COL28A1: variants seen among roughly 807,000 people sequenced by gnomAD.
The protein encoded by COL28A1 is collagen alpha-1(XXVIII) chain.
In COL28A1, 161 loss-of-function variants were observed where a neutral mutation model predicts 150.2. The observed-to-expected ratio is 1.07, with a 90% CI of 0.94 to 1.22. COL28A1 has a LOEUF of 1.22. COL28A1 is among the 50% of genes most tolerant of loss of function. The probability of loss-of-function intolerance (pLI) is 0.00; values close to 1 mark genes in which losing one functional copy is unlikely to be tolerated. For missense variants in COL28A1, 1,617 were observed against 1,388.3 expected, an observed-to-expected ratio of 1.16 and a Z score of -2.62; for synonymous variants, 552 against 469.7, an observed-to-expected ratio of 1.18 and a Z score of -2.26.
At chr7:7,499,587 C>T (rs1199214540) in intron 11 of COL28A1, among the ~76,000 whole-genome samples, 2 of 152,108 alleles carry the variant, frequency 1.3e-5, no homozygotes, top group African/African-American at 4.8e-5. Context: ...GGAATTATAT[C>T]CTGTTACAAA....
intron 11 of COL28A1, among the ~76,000 whole-genome samples, chr7:7,504,333 CA>C (rs568482161): frequency 0.013 from 1,907 of 144,352 alleles, 29 homozygotes; most frequent in African/African-American, 0.045. Flanking sequence ...CCCATCTCTA[CA>C]AAAAAAAAAA....
intron 4 of COL28A1, among the ~76,000 whole-genome samples, chr7:7,523,946 A>G (rs971662678): frequency 2.0e-5 from 3 of 152,220 alleles, no homozygotes; most frequent in Admixed American, 6.5e-5. Context: ...TAAAGGAAGC[A>G]CATCAAAGTA....
intron 27 of COL28A1, among the ~76,000 whole-genome samples, chr7:7,403,085 T>C (rs1034839779): frequency 6.6e-6 from 1 of 152,144 alleles, no homozygotes; most frequent in East Asian, 1.9e-4. Context: ...CAGTGTACCA[T>C]GGGAGCACAG....
At chr7:7,523,290 T>C (rs2115210951) in intron 4 of COL28A1, among the ~76,000 whole-genome samples, 1 of 151,990 alleles carries the variant, frequency 6.6e-6, no homozygotes, top group South Asian at 2.1e-4. Flanking sequence ...CCTGAGTAGC[T>C]GGGACTACAG....
At chr7:7,507,530 A>T (rs1262838590) in intron 9 of COL28A1, among the ~76,000 whole-genome samples, 1 of 152,226 alleles carries the variant, frequency 6.6e-6, no homozygotes, top group African/African-American at 2.4e-5. Context: ...AATGTAGTGC[A>T]TTTCCATGCT....
chr7:7,527,246 T>C (rs372133190), intron 3 of COL28A1, among the ~76,000 whole-genome samples: 32 of 152,208 alleles, frequency 2.1e-4, no homozygotes, highest in African/African-American at 7.5e-4. Context: ...TCTTATAGGC[T>C]ATAAGCCCCA....
intron 15 of COL28A1, among the ~76,000 whole-genome samples, chr7:7,466,080 C>T (rs904496591): frequency 1.5e-5 from 2 of 135,132 alleles, no homozygotes; most frequent in Non-Finnish European, 3.2e-5. Context: ...AGTTCCTCAC[C>T]AGCAACAGAA....
At chr7:7,370,045 C>T (rs982255411) in intron 33 of COL28A1, among the ~76,000 whole-genome samples, 2 of 152,122 alleles carry the variant, frequency 1.3e-5, no homozygotes, top group African/African-American at 4.8e-5. Flanking sequence ...CTTAAAAAAA[C>T]TAATATTTGC....
At chr7:7,371,818 CAATA>C (rs1356599096) in intron 32 of COL28A1, among the ~76,000 whole-genome samples, 1 of 152,092 alleles carries the variant, frequency 6.6e-6, no homozygotes, top group African/African-American at 2.4e-5. Context: ...ACTGGCTGTA[CAATA>C]AATTCTATTT....
chr7:7,369,378 T>C (rs1781101994), intron 33 of COL28A1, among the ~76,000 whole-genome samples: 1 of 152,244 alleles, frequency 6.6e-6, no homozygotes, highest in South Asian at 2.1e-4. Context: ...ACTCATTCAT[T>C]TAAGTATTAT....
intron 27 of COL28A1, among the ~76,000 whole-genome samples, chr7:7,388,336 A>G (rs1308278858): frequency 1.3e-5 from 2 of 152,180 alleles, no homozygotes; most frequent in Non-Finnish European, 2.9e-5. Flanking sequence ...TGCAAAGGAC[A>G]TGAACTCATC....
chr7:7,418,655 AT>A (rs1181168394), intron 26 of COL28A1, among the ~76,000 whole-genome samples: 1 of 152,206 alleles, frequency 6.6e-6, no homozygotes, highest in Non-Finnish European at 1.5e-5. Flanking sequence ...TGCTGGGTTA[AT>A]ATAAGTTATT....
chr7:7,438,900 T>C (rs995857625), intron 21 of COL28A1, among the ~76,000 whole-genome samples: 1 of 152,188 alleles, frequency 6.6e-6, no homozygotes, highest in African/African-American at 2.4e-5. Flanking sequence ...AATAACTAAA[T>C]ATCTTCCATT....
intron 27 of COL28A1, among the ~76,000 whole-genome samples, chr7:7,383,615 T>C (rs957703732): frequency 2.0e-5 from 3 of 150,242 alleles, no homozygotes; most frequent in African/African-American, 4.9e-5. Context: ...ATAAATGATA[T>C]ATTTATGCAT....
At chr7:7,354,264 G>A (rs748690734), downstream of COL28A1, among the ~76,000 whole-genome samples, 9 of 151,956 alleles carry the variant, frequency 5.9e-5, no homozygotes, top group Non-Finnish European at 1.2e-4. Context: ...AAAGTGCTGC[G>A]ATTACAGGCA....
intron 27 of COL28A1, among the ~76,000 whole-genome samples, chr7:7,392,549 G>T (rs1244912091): frequency 6.6e-6 from 1 of 152,104 alleles, no homozygotes; most frequent in Non-Finnish European, 1.5e-5. Flanking sequence ...AGTTCTCCTG[G>T]ATAATATCCT....
intron 21 of COL28A1, among the ~76,000 whole-genome samples, chr7:7,438,375 T>C (rs1455764299): frequency 2.6e-5 from 4 of 152,218 alleles, no homozygotes; most frequent in African/African-American, 9.7e-5. Flanking sequence ...CAGGTAATTC[T>C]CCTGTTCCAT....
chr7:7,431,470 G>A (rs147962727), intron 25 of COL28A1: 103 of 467,792 alleles, frequency 2.2e-4, no homozygotes, highest in Non-Finnish European at 4.1e-4. Flanking sequence ...ATGGGTGGTC[G>A]GGGAGGTGAC....
At chr7:7,430,319 G>GT (rs1458124119) in intron 25 of COL28A1, among the ~76,000 whole-genome samples, 1 of 152,038 alleles carries the variant, frequency 6.6e-6, no homozygotes, top group Non-Finnish European at 1.5e-5. Flanking sequence ...TAGAGACGGG[G>GT]TTTCACCATG....
Sources: allele counts gnomAD v4.1 joint callset (sites outside exome capture counted in the v4.1 genomes callset), GRCh38; gene constraint gnomAD v4.1.1; transcripts MANE v1.5; gene names NCBI Gene and HGNC (gene_info 2026-07-23, HGNC 2026-07-21).